ADAMTSL3: variants seen among roughly 807,000 people sequenced by gnomAD.
The protein encoded by ADAMTSL3 is ADAMTS like 3, also known as ADAMTS-like protein 3.
In ADAMTSL3, 128 loss-of-function variants were observed where a neutral mutation model predicts 201.7. The ratio of observed to expected loss-of-function variants is 0.63; its 90% CI spans 0.55 to 0.73. The LOEUF is 0.73. ADAMTSL3 is among the 30% of genes least tolerant of loss of function. The pLI, the probability that ADAMTSL3 is intolerant of heterozygous loss-of-function variation, is 0.00. For synonymous variants in ADAMTSL3, 738 were observed against 748.4 expected, an observed-to-expected ratio of 0.99 and a Z score of 0.23; for missense variants, 1,990 against 2,119.6, an observed-to-expected ratio of 0.94 and a Z score of 1.20.
chr15:83,985,566 C>T (rs1005735803), intron 21 of ADAMTSL3, among the ~76,000 whole-genome samples: 1 of 152,208 alleles, frequency 6.6e-6, no homozygotes, highest in East Asian at 1.9e-4. Flanking sequence ...ATATGAAAAA[C>T]GTATGGACCC....
At chr15:83,728,268 T>C (rs1044854430) in intron 3 of ADAMTSL3, among the ~76,000 whole-genome samples, 8 of 151,972 alleles carry the variant, frequency 5.3e-5, no homozygotes, top group Non-Finnish European at 8.8e-5. Context: ...AAGTGTGTTT[T>C]TGTAGGCAAC....
intron 2 of ADAMTSL3, among the ~76,000 whole-genome samples, chr15:83,691,773 C>G (rs1026796147): frequency 2.0e-5 from 3 of 152,144 alleles, no homozygotes; most frequent in African/African-American, 7.2e-5. Flanking sequence ...TGCCACCATG[C>G]CCAGCTAATT....
At chr15:83,891,259 T>G (rs535493447) in intron 11 of ADAMTSL3, 70 bp from the exon 12 acceptor site, 56 of 1,291,812 alleles carry the variant, frequency 4.3e-5, no homozygotes, top group Admixed American at 3.6e-4. Context: ...TGTCAAATAT[T>G]ATATTCGTCA....
intron 8 of ADAMTSL3, among the ~76,000 whole-genome samples, chr15:83,869,080 T>C (rs1173865748): frequency 6.6e-6 from 1 of 152,236 alleles, no homozygotes; most frequent in East Asian, 1.9e-4. Flanking sequence ...CATTGCACGC[T>C]ACTTGAATTT....
intron 17 of ADAMTSL3, among the ~76,000 whole-genome samples, chr15:83,938,498 T>C (rs1027312035): frequency 6.6e-6 from 1 of 152,222 alleles, no homozygotes; most frequent in Admixed American, 6.5e-5. Flanking sequence ...GCAGATTTTA[T>C]GTTATGTAAA....
intron 8 of ADAMTSL3, among the ~76,000 whole-genome samples, chr15:83,866,272 G>A (rs1465302168): frequency 1.3e-5 from 2 of 152,094 alleles, no homozygotes; most frequent in East Asian, 3.8e-4. Context: ...TATACCCAAA[G>A]GATTATAAAT....
Position 83,870,862 on chromosome 15 carries a change from T to A in ADAMTSL3, c.863T>A (p.Val288Asp). ...GAACACAGCTTTAACAGCCCCGGCG[T>A]CTTTCTCGTAGAAAACACAACAGTG... Reference protein sequence around the residue: ...KGEHSFNSPGVFLVENTTVEF... With the variant: ...KGEHSFNSPGDFLVENTTVEF... Residue 288 changes from valine to aspartate, a missense_variant, in exon 9 of 30, where the codon GTC (valine) becomes GAC (aspartate). Transcript: ENST00000286744. The A allele has an allele frequency of 6.2e-7, 1 of 1,613,480 alleles. No individual in the cohort carries two copies. Among genetic ancestry groups the A allele is most frequent in the South Asian group, 1.1e-5 (1 of 90,894 alleles).
chr15:83,663,509 T>A (rs1311788470), intron 2 of ADAMTSL3, among the ~76,000 whole-genome samples: 8 of 152,204 alleles, frequency 5.3e-5, no homozygotes, highest in Non-Finnish European at 1.2e-4. Context: ...CATGCTCACA[T>A]CTTTGCTTAC....
In ADAMTSL3 at chr15:83,711,017, A is replaced by C. The variant is rs139682572; in HGVS notation, c.189+6509A>C. Among the ~76,000 whole-genome samples the C allele has an allele frequency of 4.8e-3, 726 of 152,310 alleles. 10 individuals are homozygous for C. Among genetic ancestry groups the C allele is most frequent in the African/African-American group, 0.017 (700 of 41,560 alleles). The stretch of plus-strand genomic sequence containing the variant: ...ATGTTTGAATGAATTTTTAATACTA[A>C]TAATAACAATAATATATTAATAATG... On this transcript the variant is annotated intron_variant, in intron 3 of 29. Coordinates refer to ENST00000286744, the MANE Select transcript of ADAMTSL3 (RefSeq NM_207517.3).
intron 9 of ADAMTSL3, among the ~76,000 whole-genome samples, chr15:83,871,266 G>A (rs2065076163): frequency 6.6e-6 from 1 of 152,142 alleles, no homozygotes; most frequent in Non-Finnish European, 1.5e-5. Flanking sequence ...TCCCTGTGTT[G>A]CTCAGGCTGC....
chr15:83,714,556 T>G (rs1281745168), intron 3 of ADAMTSL3, among the ~76,000 whole-genome samples: 2 of 152,130 alleles, frequency 1.3e-5, no homozygotes, highest in African/African-American at 4.8e-5. Context: ...GCTCAGTTGT[T>G]ACTTCCTCAA....
chr15:84,002,966 C>T (rs1490044257), intron 23 of ADAMTSL3, among the ~76,000 whole-genome samples: 1 of 107,872 alleles, frequency 9.3e-6, no homozygotes, highest in Non-Finnish European at 1.7e-5. Context: ...GGCTTAGAGA[C>T]AGTGCTTCAT....
At chr15:83,783,154 G>C (rs1272236659) in intron 4 of ADAMTSL3, among the ~76,000 whole-genome samples, 1 of 151,224 alleles carries the variant, frequency 6.6e-6, no homozygotes, top group Non-Finnish European at 1.5e-5. Flanking sequence ...GTGTTCAAAT[G>C]TCCTTGAATT....
intron 25 of ADAMTSL3, among the ~76,000 whole-genome samples, chr15:84,018,026 A>G (rs1338819361): frequency 6.6e-6 from 1 of 152,280 alleles, no homozygotes; most frequent in Non-Finnish European, 1.5e-5. Context: ...AATTCCAGTC[A>G]GAGAAACCAT....
In ADAMTSL3 at chr15:83,819,952, G is replaced by T. The variant is rs768495645; in HGVS notation, c.505G>T (p.Gly169Ter). The T allele has an allele frequency of 6.2e-7, 1 of 1,614,170 alleles. No homozygotes were observed. The highest frequency in any genetic ancestry group is 1.1e-5 in the South Asian group (1 of 91,084). ...GTGTGCACTCAAGTGTCATGCACAA[G>T]GACAAAACTTGGTGGTGGAGCTGGC... is the stretch of plus-strand genomic sequence containing the variant. The part of the protein sequence containing the change: ...APCALKCHAQ[G>*]QNLVVELAPK... The change falls in exon 6 of 30, where the codon GGA becomes TGA. Residue 169 changes from glycine to a stop codon, truncating the protein, a stop_gained. Transcript: ENST00000286744. LOFTEE classifies it high-confidence loss of function.
chr15:83,762,790 TTGTA>T (rs2062828329), intron 3 of ADAMTSL3, among the ~76,000 whole-genome samples: 1 of 152,264 alleles, frequency 6.6e-6, no homozygotes, highest in South Asian at 2.1e-4. Flanking sequence ...CAGCTACATG[TTGTA>T]TGTATGCTTC....
intron 7 of ADAMTSL3, among the ~76,000 whole-genome samples, chr15:83,849,855 A>G (rs2064573420): frequency 6.6e-6 from 1 of 152,228 alleles, no homozygotes; most frequent in South Asian, 2.1e-4. Context: ...AAATGCCATT[A>G]CATCAAAATA....
chr15:83,878,527 T>C (rs2065217535), intron 9 of ADAMTSL3, among the ~76,000 whole-genome samples: 1 of 152,094 alleles, frequency 6.6e-6, no homozygotes, highest in Non-Finnish European at 1.5e-5. Context: ...GGCAGATGAA[T>C]TGCTTCAACC....
chr15:83,902,040 A>G (rs2065735291), intron 15 of ADAMTSL3, among the ~76,000 whole-genome samples: 1 of 152,088 alleles, frequency 6.6e-6, no homozygotes, highest in South Asian at 2.1e-4. Context: ...GCTCCTTCTC[A>G]TTCTTCTCTG....
Sources: allele counts gnomAD v4.1 joint callset (sites outside exome capture counted in the v4.1 genomes callset), GRCh38; gene constraint gnomAD v4.1.1; transcripts MANE v1.5; gene names NCBI Gene and HGNC (gene_info 2026-07-23, HGNC 2026-07-21).